The following MAML2 variants were observed in gnomAD, a reference collection of about 807,000 sequenced individuals.
MAML2 encodes mastermind-like protein 2.
A neutral mutation model predicts 96.1 loss-of-function variants in MAML2; 22 were observed. The observed-to-expected ratio is 0.23, with a 90% CI of 0.16 to 0.33. The LOEUF (loss-of-function observed/expected upper bound fraction) is 0.33. Among genes scored for constraint, MAML2 ranks in the 10% least tolerant of loss-of-function variants. The pLI, the probability that MAML2 is intolerant of heterozygous loss-of-function variation, is 1.00. For synonymous variants in MAML2, 561 were observed against 521.3 expected, an observed-to-expected ratio of 1.08 and a Z score of -1.04; for missense variants, 1,367 against 1,392.4, an observed-to-expected ratio of 0.98 and a Z score of 0.29.
intron 2 of MAML2, among the ~76,000 whole-genome samples, chr11:96,086,688 G>T (rs1859620843): frequency 6.6e-6 from 1 of 152,124 alleles, no homozygotes; most frequent in South Asian, 2.1e-4. Flanking sequence ...CCAGAACTGT[G>T]CTTGGCAAAT....
At chr11:96,287,924 C>T (rs368525979) in intron 1 of MAML2, among the ~76,000 whole-genome samples, 2 of 152,166 alleles carry the variant, frequency 1.3e-5, no homozygotes, top group African/African-American at 2.4e-5. Flanking sequence ...ATTAAATACA[C>T]GTTGCTTGCA....
intron 1 of MAML2, among the ~76,000 whole-genome samples, chr11:96,168,601 T>C (rs1270114101): frequency 1.3e-5 from 2 of 152,116 alleles, no homozygotes; most frequent in African/African-American, 4.8e-5. Flanking sequence ...GGATGGAGGG[T>C]TGTTGGATCA....
At chr11:95,997,663 T>C (rs1858013235) in intron 2 of MAML2, among the ~76,000 whole-genome samples, 1 of 152,172 alleles carries the variant, frequency 6.6e-6, no homozygotes, top group Non-Finnish European at 1.5e-5. Context: ...CTTAGTGGGA[T>C]ACACATCTTT....
intron 3 of MAML2, among the ~76,000 whole-genome samples, chr11:95,987,454 T>C (rs866485964): frequency 1.3e-5 from 2 of 152,152 alleles, no homozygotes; most frequent in African/African-American, 4.8e-5. Context: ...TTTGTATGCA[T>C]CCCAAAGCAA....
intron 1 of MAML2, among the ~76,000 whole-genome samples, chr11:96,158,327 C>T (rs749573301): frequency 2.0e-5 from 3 of 152,130 alleles, no homozygotes; most frequent in African/African-American, 7.2e-5. Context: ...TTTTGTTGGT[C>T]CTGGGGTGAC....
At chr11:96,283,518 G>C (rs1863098931) in intron 1 of MAML2, among the ~76,000 whole-genome samples, 1 of 152,180 alleles carries the variant, frequency 6.6e-6, no homozygotes, top group East Asian at 1.9e-4. Flanking sequence ...ACTAATGAAT[G>C]ATTCCTTTTG....
chr11:96,055,971 A>T (rs1337945389), intron 2 of MAML2, among the ~76,000 whole-genome samples: 2 of 152,132 alleles, frequency 1.3e-5, no homozygotes, highest in African/African-American at 2.4e-5. Context: ...CCTTTTTTTT[A>T]AAAGGGTCTG....
chr11:96,091,390 G>A (rs930257642), intron 2 of MAML2, among the ~76,000 whole-genome samples: 2 of 152,154 alleles, frequency 1.3e-5, no homozygotes, highest in Non-Finnish European at 2.9e-5. Context: ...ATGCATCACA[G>A]GGAGTCATCG....
intron 1 of MAML2, among the ~76,000 whole-genome samples, chr11:96,192,352 C>T (rs77811493): frequency 0.012 from 1,897 of 152,334 alleles, 24 homozygotes; most frequent in South Asian, 0.031. Flanking sequence ...TCCTTCATAA[C>T]AAGGAACGTC....
chr11:96,129,545 C>T (rs1271428514), intron 1 of MAML2, among the ~76,000 whole-genome samples: 4 of 150,118 alleles, frequency 2.7e-5, no homozygotes, highest in Non-Finnish European at 5.9e-5. Flanking sequence ...GAAATCCACA[C>T]AAACTAAATC....
At chr11:96,127,311 A>T (rs551658622) in intron 1 of MAML2, among the ~76,000 whole-genome samples, 1 of 152,198 alleles carries the variant, frequency 6.6e-6, no homozygotes, top group Non-Finnish European at 1.5e-5. Context: ...TGAATGGTCC[A>T]CTATTGTTAG....
intron 2 of MAML2, among the ~76,000 whole-genome samples, chr11:96,007,600 T>A (rs1478743941): frequency 6.6e-6 from 1 of 152,158 alleles, no homozygotes; most frequent in African/African-American, 2.4e-5. Flanking sequence ...TTTATTCAAT[T>A]ATGCACTCCT....
chr11:96,167,888 T>C (rs1861218354), intron 1 of MAML2, among the ~76,000 whole-genome samples: 1 of 152,238 alleles, frequency 6.6e-6, no homozygotes. Context: ...CTAATTCTCA[T>C]AGCATTCTGT....
intron 2 of MAML2, among the ~76,000 whole-genome samples, chr11:96,066,792 A>C (rs1052614954): frequency 6.6e-6 from 1 of 152,220 alleles, no homozygotes; most frequent in African/African-American, 2.4e-5. Flanking sequence ...CAAAAACACA[A>C]GTAAATAGAA....
At chr11:96,292,793 G>A (rs1364057004) in intron 1 of MAML2, among the ~76,000 whole-genome samples, 1 of 152,134 alleles carries the variant, frequency 6.6e-6, no homozygotes, top group African/African-American at 2.4e-5. Flanking sequence ...TCATGAATAA[G>A]TCTGTTCTTT....
chr11:96,112,709 T>G (rs1432976247), intron 1 of MAML2, among the ~76,000 whole-genome samples: 1 of 152,266 alleles, frequency 6.6e-6, no homozygotes, highest in African/African-American at 2.4e-5. Context: ...ATTATGTGTC[T>G]GATATCTATG....
At chr11:96,042,744 CTTTTTTTTT>C (rs767509829) in intron 2 of MAML2, among the ~76,000 whole-genome samples, 1 of 116,262 alleles carries the variant, frequency 8.6e-6, no homozygotes, top group Non-Finnish European at 1.7e-5. Context: ...CGTTAACGTT[CTTTTTTTTT>C]TTTTTTTTTG....
chr11:96,338,717 A>G (rs1423895172), intron 1 of MAML2, among the ~76,000 whole-genome samples: 1 of 152,234 alleles, frequency 6.6e-6, no homozygotes, highest in Non-Finnish European at 1.5e-5. Flanking sequence ...ATGGCCACTT[A>G]TGGCATACGA....
At chr11:96,025,115 A>C (rs1282738166) in intron 2 of MAML2, among the ~76,000 whole-genome samples, 2 of 152,224 alleles carry the variant, frequency 1.3e-5, no homozygotes, top group East Asian at 1.9e-4. Flanking sequence ...TTATCACAGC[A>C]CTATTCACAA....
Sources: allele counts gnomAD v4.1 joint callset (sites outside exome capture counted in the v4.1 genomes callset), GRCh38; gene constraint gnomAD v4.1.1; transcripts MANE v1.5; gene names NCBI Gene and HGNC (gene_info 2026-07-23, HGNC 2026-07-21).